UBALD1: variants seen among roughly 807,000 people sequenced by gnomAD.
UBALD1 encodes the protein UBA like domain containing 1.
Under a neutral mutation model 16.1 loss-of-function variants are expected in UBALD1, and 5 were observed. The ratio of observed to expected loss-of-function variants is 0.31; its 90% CI spans 0.16 to 0.66. The LOEUF (loss-of-function observed/expected upper bound fraction) is 0.66. Ranked by LOEUF, UBALD1 falls within the 30% of genes least tolerant of loss-of-function variation. The pLI, the probability that UBALD1 is intolerant of heterozygous loss-of-function variation, is 0.77. For synonymous variants in UBALD1, 146 were observed against 105.3 expected, an observed-to-expected ratio of 1.39 and a Z score of -2.37; for missense variants, 220 against 252.8, an observed-to-expected ratio of 0.87 and a Z score of 0.88.
chr16:4,610,589 G>A, intron 1 of UBALD1, 34 bp from the exon 2 acceptor site: 1 of 1,574,102 alleles, frequency 6.4e-7, no homozygotes, highest in Non-Finnish European at 8.6e-7. Flanking sequence ...CACCCTCCAG[G>A]CCCCCGCCGG....
chr16:4,614,780 G>A lies in UBALD1; in HGVS notation c.18C>T (p.Asp6=), dbSNP rs1435609766. 5 of 1,528,152 alleles carry A rather than the reference G, an allele frequency of 3.3e-6. No homozygotes were observed. The highest frequency in any genetic ancestry group is 1.4e-5 in the African/African-American group (1 of 69,528). The allele number at this position is 1,528,152 out of a possible 1,614,324, so 94.7% of individuals were successfully genotyped here. A position where few individuals can be genotyped will look rare whatever the true frequency, so the allele number is the denominator to read the frequency against. MSVNM[D]ELKHQVMINQ... ...TGATCATGACCTGGTGCTTGAGCTC[G>A]TCCATGTTCACGGACATGGCGCCGC... The change falls in exon 1 of 3, where the codon GAC becomes GAT. Residue 6 remains aspartate (D), a synonymous_variant. Transcript: ENST00000283474.
chr16:4,612,464 C>T (rs748893835), intron 1 of UBALD1, among the ~76,000 whole-genome samples: 3 of 152,050 alleles, frequency 2.0e-5, no homozygotes, highest in East Asian at 1.9e-4. Flanking sequence ...GCATGGGGGC[C>T]GGGCTTTAAG....
Position 4,614,825 on chromosome 16 carries a change from T to C in UBALD1, c.-28A>G, listed in dbSNP as rs776669700. The stretch of plus-strand genomic sequence containing the variant: ...CGCCGCCGCGCTGCCCGCTCCGGCC[T>C]CCCTCCTCCGCCCGCGCCTCCGCCT... On this transcript the variant is annotated 5_prime_UTR_variant, in exon 1 of 3. Coordinates refer to ENST00000283474, the MANE Select transcript of UBALD1 (RefSeq NM_145253.3). 3 of 1,479,034 alleles carry C rather than the reference T, an allele frequency of 2.0e-6. No individual in the cohort carries two copies. The highest frequency in any genetic ancestry group is 2.7e-6 in the Non-Finnish European group (3 of 1,115,454). 91.6% of individuals were successfully genotyped at this position (1,479,034 alleles called of 1,614,324 possible).
intron 1 of UBALD1, 162 bp from the exon 2 acceptor site, chr16:4,610,717 A>C (rs936409558): frequency 4.2e-6 from 3 of 722,278 alleles, no homozygotes; most frequent in Non-Finnish European, 6.8e-6. Flanking sequence ...GTCACCCCCA[A>C]CCCTCACTGC....
intron 1 of UBALD1, chr16:4,614,127 G>A: frequency 5.1e-6 from 1 of 195,786 alleles, no homozygotes; most frequent in Non-Finnish European, 1.0e-5. Context: ...CCAGGGGGCT[G>A]CGCGTTCACA....
intron 1 of UBALD1, chr16:4,614,299 C>T (rs1897394617): frequency 2.8e-6 from 1 of 359,098 alleles, no homozygotes; most frequent in Non-Finnish European, 5.0e-6. Flanking sequence ...CGGCTCCGCC[C>T]TCCGGCCCAG....
Position 4,609,711 on chromosome 16 carries a change from A to T in UBALD1, c.456T>A (p.Ala152=), listed in dbSNP as rs780630930. 5 of 1,483,440 alleles carry T rather than the reference A, an allele frequency of 3.4e-6. No individual in the cohort carries two copies. The highest frequency in any genetic ancestry group is 4.5e-6 in the Non-Finnish European group (5 of 1,118,990). The allele number at this position is 1,483,440 out of a possible 1,614,324, so 91.9% of individuals were successfully genotyped here. Residue 152 remains alanine (A), a synonymous_variant, in exon 3 of 3, where the codon GCT becomes GCA. Coordinates refer to ENST00000283474, the MANE Select transcript of UBALD1 (RefSeq NM_145253.3). ...PLWTPTPPSP[A]SDWPPLAPQQ... is the part of the protein sequence containing the mutation. ...GGGGGGCCAGGGGTGGCCAGTCTGA[A>T]GCCGGAGAAGGGGGTGTTGGAGTCC...
In UBALD1 at chr16:4,614,835, G is replaced by C; in HGVS notation, c.-38C>G. The C allele has an allele frequency of 6.9e-7, 1 of 1,457,730 alleles. No homozygotes were observed. Among genetic ancestry groups the C allele is most frequent in the Admixed American group, 2.5e-5 (1 of 39,236 alleles). 90.3% of individuals were successfully genotyped at this position (1,457,730 alleles called of 1,614,324 possible). The stretch of plus-strand genomic sequence containing the variant: ...CTGCCCGCTCCGGCCTCCCTCCTCC[G>C]CCCGCGCCTCCGCCTCACGCGTCCA... On this transcript the variant is annotated 5_prime_UTR_variant, in exon 1 of 3. Coordinates refer to ENST00000283474, the MANE Select transcript of UBALD1 (RefSeq NM_145253.3).
rs1350590119 is a variant in UBALD1 at position 4,609,998 on chromosome 16, G to C, written c.184-15C>G. ...GGGGTGCACATCTGTGAGGGGAAGA[G>C]AGGAGAGATGGGGTGAGCACCCCTT... is the stretch of plus-strand genomic sequence containing the variant. On this transcript the variant is annotated splice_polypyrimidine_tract_variant and intron_variant, in intron 2 of 2. Transcript: ENST00000283474. 1.3e-6 allele frequency: 2 copies of C among 1,555,888 alleles called. No individual in the cohort carries two copies. Among genetic ancestry groups the C allele is most frequent in the Non-Finnish European group, 8.8e-7 (1 of 1,142,418 alleles).
At chr16:4,611,899 C>G (rs1897362848) in intron 1 of UBALD1, among the ~76,000 whole-genome samples, 1 of 152,074 alleles carries the variant, frequency 6.6e-6, no homozygotes, top group African/African-American at 2.4e-5. Flanking sequence ...CAGGCCCAGA[C>G]TTGGAGCTTC....
Position 4,609,882 on chromosome 16 carries a change from G to C in UBALD1, c.285C>G (p.Gly95=), listed in dbSNP as rs564614304. 7 of 1,556,428 alleles carry C rather than the reference G, an allele frequency of 4.5e-6. No individual in the cohort carries two copies. The African/African-American group carries it at 8.2e-5, about 18-fold the overall frequency. ...CTGTCGCGGCCATCGGGCTGCCGCTGCCACCGCTGTGGAAGCTCTCGGAGG... is the reference window on the plus strand; with the variant it reads ...CTGTCGCGGCCATCGGGCTGCCGCTCCCACCGCTGTGGAAGCTCTCGGAGG... ...LKASESFHSG[G]SGSPMAATAT... The change falls in exon 3 of 3, where the codon GGC becomes GGG. Residue 95 remains glycine (G), a synonymous_variant. Coordinates refer to ENST00000283474, the MANE Select transcript of UBALD1 (RefSeq NM_145253.3).
rs569450970 is a variant in UBALD1 at position 4,612,114 on chromosome 16, G to C, written c.121-1559C>G. Among the ~76,000 whole-genome samples, 14 of 149,844 alleles carry C rather than the reference G, an allele frequency of 9.3e-5. No homozygotes were observed. The South Asian group carries it at 2.1e-3, about 23-fold the overall frequency. On this transcript the variant is annotated intron_variant, in intron 1 of 2. Coordinates refer to ENST00000283474, the MANE Select transcript of UBALD1 (RefSeq NM_145253.3). ...GGAGTCTCGCTCTGTCACCAGGCTGGAGTGCAGTGGCGTTATCTGGGCTCA... is the reference window on the plus strand; with the variant it reads ...GGAGTCTCGCTCTGTCACCAGGCTGCAGTGCAGTGGCGTTATCTGGGCTCA...
intron 1 of UBALD1, among the ~76,000 whole-genome samples, chr16:4,613,160 G>A (rs1897378895): frequency 6.6e-6 from 1 of 152,060 alleles, no homozygotes; most frequent in Non-Finnish European, 1.5e-5. Flanking sequence ...TGCAAGTTTT[G>A]CCACATCCAG....
At chr16:4,612,813 C>T (rs1897374351) in intron 1 of UBALD1, among the ~76,000 whole-genome samples, 1 of 152,132 alleles carries the variant, frequency 6.6e-6, no homozygotes, top group African/African-American at 2.4e-5. Context: ...CTTCCTCCAG[C>T]CTCCCTGGCG....
Position 4,610,941 on chromosome 16 carries a change from C to G in UBALD1, c.121-386G>C, listed in dbSNP as rs150206244. 8.4e-4 allele frequency: 342 copies of G among 405,622 alleles called. 2 individuals carry two copies. The highest frequency in any genetic ancestry group is 6.1e-3 in the African/African-American group (299 of 48,838). 25.1% of individuals were successfully genotyped at this position (405,622 alleles called of 1,614,324 possible). ...GGTAGCCCAACCAGACCTCCCCACCCTGCCCCGTTTCAGGAGATTCTAGCC... is the reference window on the plus strand; with the variant it reads ...GGTAGCCCAACCAGACCTCCCCACCGTGCCCCGTTTCAGGAGATTCTAGCC... On this transcript the variant is annotated intron_variant, in intron 1 of 2. Coordinates refer to ENST00000283474, the MANE Select transcript of UBALD1 (RefSeq NM_145253.3).
chr16:4,613,337 G>A (rs550984434), intron 1 of UBALD1, among the ~76,000 whole-genome samples: 1 of 152,300 alleles, frequency 6.6e-6, no homozygotes, highest in Non-Finnish European at 1.5e-5. Flanking sequence ...AGGCCAGAGG[G>A]ACAGAGCAGC....
intron 1 of UBALD1, among the ~76,000 whole-genome samples, chr16:4,612,188 C>G (rs550386871): frequency 6.6e-6 from 1 of 151,692 alleles, no homozygotes; most frequent in Non-Finnish European, 1.5e-5. Context: ...CTCAGCCTCC[C>G]GAGTAGCTGG....
rs1956211765 is a variant in UBALD1 at position 4,608,934 on chromosome 16, T to A, written c.*699A>T. The A allele has an allele frequency of 6.6e-6, 1 of 152,416 alleles. No homozygotes were observed. Among genetic ancestry groups the A allele is most frequent in the Admixed American group, 6.5e-5 (1 of 15,274 alleles). 9.4% of individuals were successfully genotyped at this position (152,416 alleles called of 1,614,324 possible). A position where few individuals can be genotyped will look rare whatever the true frequency, so the allele number is the denominator to read the frequency against. The stretch of plus-strand genomic sequence containing the variant: ...TGTTAAAAGGGGGAAAGGAAGTGGA[T>A]GCGGGTACCCCCAGGTGCAGGGGAG... On this transcript the variant is annotated 3_prime_UTR_variant, in exon 3 of 3. Transcript: ENST00000283474.
At chr16:4,611,603 G>C (rs1897358722) in intron 1 of UBALD1, 1 of 153,028 alleles carries the variant, frequency 6.5e-6, no homozygotes, top group Non-Finnish European at 1.5e-5. Context: ...GGGTCAGCTG[G>C]TCGGCAGAAG....
Sources: gnomAD v4.1 joint callset for allele counts (sites outside exome capture counted in the v4.1 genomes callset) on GRCh38, gnomAD v4.1.1 for gene constraint, MANE v1.5 for transcripts, NCBI Gene and HGNC (gene_info 2026-07-23, HGNC 2026-07-21) for gene names.